The following UMAD1 variants were observed in gnomAD, a reference collection of about 807,000 sequenced individuals.
UMAD1 encodes the protein UBAP1-MVB12-associated (UMA) domain containing 1.
In UMAD1, 8 loss-of-function variants were observed where a neutral mutation model predicts 6.1. The observed-to-expected ratio is 1.30, with a 90% CI of 0.76 to 2.35. UMAD1 has a LOEUF of 2.35. Ranked by LOEUF, UMAD1 falls within the 30% of genes most tolerant of loss-of-function variation. The pLI, the probability that UMAD1 is intolerant of heterozygous loss-of-function variation, is 0.00. For missense variants in UMAD1, 130 were observed against 78.4 expected (o/e 1.66, Z -2.49); for synonymous variants, 56 against 31.4 (o/e 1.78, Z -2.61).
chr7:7,775,878 T>C (rs1403830446), intron 2 of UMAD1, among the ~76,000 whole-genome samples: 2 of 152,166 alleles, frequency 1.3e-5, no homozygotes, highest in African/African-American at 4.8e-5. Context: ...CCTATAGTAA[T>C]GGATAGCAAA....
intron 2 of UMAD1, among the ~76,000 whole-genome samples, chr7:7,748,660 C>A (rs553469132): frequency 6.6e-6 from 1 of 151,990 alleles, no homozygotes; most frequent in Admixed American, 6.6e-5. Context: ...ACCAAATTCC[C>A]ATCTATTACC....
rs71014711 is a variant in UMAD1, at chr7:7,767,128, C to CTTTTTTTTTT, written c.83-34537_83-34528dup. ...AGTGAGCATTTCAAGAAATTAAGCT[C>CTTTTTTTTTT]TTTTTTTTTTTTTTGAGACGGACTC... is the stretch of plus-strand genomic sequence containing the variant. On this transcript the variant is annotated intron_variant, in intron 2 of 3. Transcript: ENST00000682710. 2.9e-4 allele frequency among the ~76,000 whole-genome samples: 37 copies of CTTTTTTTTTT among 129,792 alleles called. 1 individual carries two copies. The highest frequency in any genetic ancestry group is 5.5e-4 in the African/African-American group (20 of 36,532). 85.1% of individuals were successfully genotyped at this position (129,792 alleles called of 152,430 possible).
chr7:7,712,223 A>G (rs922853987), intron 2 of UMAD1, among the ~76,000 whole-genome samples: 6 of 152,174 alleles, frequency 3.9e-5, no homozygotes, highest in African/African-American at 1.4e-4. Flanking sequence ...AAAATGAATA[A>G]CAGATGGATA....
At chr7:7,727,034 A>C (rs917066357) in intron 2 of UMAD1, among the ~76,000 whole-genome samples, 6 of 152,208 alleles carry the variant, frequency 3.9e-5, no homozygotes, top group Non-Finnish European at 8.8e-5. Context: ...AGACCCTTCA[A>C]TAATGAAAGT....
intron 2 of UMAD1, among the ~76,000 whole-genome samples, chr7:7,782,317 T>C (rs999265983): frequency 1.3e-5 from 2 of 152,160 alleles, no homozygotes. Flanking sequence ...TTTTCTGTTC[T>C]TTTGGATCAC....
chr7:7,695,518 A>G (rs967563418), intron 2 of UMAD1, among the ~76,000 whole-genome samples: 1 of 152,112 alleles, frequency 6.6e-6, no homozygotes, highest in Non-Finnish European at 1.5e-5. Flanking sequence ...ACTTTCAGGC[A>G]TAGAACTTCC....
intron 1 of UMAD1, among the ~76,000 whole-genome samples, chr7:7,668,379 T>G (rs1779523195): frequency 6.6e-6 from 1 of 152,152 alleles, no homozygotes; most frequent in South Asian, 2.1e-4. Flanking sequence ...AATTTATGAG[T>G]ACAGTACTAT....
At chr7:7,822,677 C>T (rs1783262950) in intron 3 of UMAD1, among the ~76,000 whole-genome samples, 1 of 152,066 alleles carries the variant, frequency 6.6e-6, no homozygotes, top group Admixed American at 6.6e-5. Context: ...TCAGAAATAG[C>T]CATAACGCTT....
intron 2 of UMAD1, among the ~76,000 whole-genome samples, chr7:7,699,872 C>T (rs775332975): frequency 2.8e-4 from 43 of 152,114 alleles, no homozygotes; most frequent in Non-Finnish European, 5.6e-4. Flanking sequence ...ATAAGTAATA[C>T]TGTTTATATA....
intron 3 of UMAD1, among the ~76,000 whole-genome samples, chr7:7,823,890 A>G (rs1300412308): frequency 6.6e-6 from 1 of 152,108 alleles, no homozygotes; most frequent in Non-Finnish European, 1.5e-5. Flanking sequence ...TCCTTCTCAC[A>G]TCTCTTTATT....
At chr7:7,873,276 C>T (rs1043883306) in intron 3 of UMAD1, among the ~76,000 whole-genome samples, 2 of 152,166 alleles carry the variant, frequency 1.3e-5, no homozygotes, top group Non-Finnish European at 2.9e-5. Flanking sequence ...ACTTTGTTCT[C>T]CTGCTCACAG....
intron 2 of UMAD1, among the ~76,000 whole-genome samples, chr7:7,792,945 TCCTCATGA>T (rs1782598135): frequency 6.6e-6 from 1 of 152,142 alleles, no homozygotes; most frequent in Admixed American, 6.5e-5. Context: ...GAGGGCTCCA[TCCTCATGA>T]CCTCATGACC....
chr7:7,816,548 G>A (rs928527941), intron 3 of UMAD1, among the ~76,000 whole-genome samples: 7 of 152,156 alleles, frequency 4.6e-5, no homozygotes, highest in Non-Finnish European at 8.8e-5. Context: ...CACCAGTGTC[G>A]GTAGCATTCA....
At chr7:7,842,058 G>A (rs188976369) in intron 3 of UMAD1, among the ~76,000 whole-genome samples, 1 of 152,272 alleles carries the variant, frequency 6.6e-6, no homozygotes, top group African/African-American at 2.4e-5. Flanking sequence ...TCTCTGTCGG[G>A]TATGTTAGGT....
rs78015897 is a variant in UMAD1, at chr7:7,804,516, A to G, written c.156+2773A>G. Among the ~76,000 whole-genome samples the G allele has an allele frequency of 1.2e-3, 181 of 152,272 alleles. 4 individuals are homozygous for G. In the East Asian group the frequency reaches 0.034, roughly 29 times the overall value. ...GATGAAACCCCATCTCTACTAAAAT[A>G]CAAAAAATTAGCCGGGCTTGGCGCC... On this transcript the variant is annotated intron_variant, in intron 3 of 3. Coordinates refer to ENST00000682710, the MANE Select transcript of UMAD1 (RefSeq NM_001302348.2).
At chr7:7,711,974 A>G (rs1780776609) in intron 2 of UMAD1, among the ~76,000 whole-genome samples, 1 of 152,082 alleles carries the variant, frequency 6.6e-6, no homozygotes, top group Non-Finnish European at 1.5e-5. Flanking sequence ...TTGTAGGGAT[A>G]ACCTATTTTC....
chr7:7,832,328 AT>A (rs558115964), intron 3 of UMAD1, among the ~76,000 whole-genome samples: 41 of 151,456 alleles, frequency 2.7e-4, no homozygotes, highest in East Asian at 1.9e-3. Context: ...TTCTTTTGGA[AT>A]TTTTTTTTCC....
intron 2 of UMAD1, among the ~76,000 whole-genome samples, chr7:7,679,624 T>C (rs1779851135): frequency 1.8e-5 from 1 of 55,632 alleles, no homozygotes; most frequent in Non-Finnish European, 3.0e-5. Context: ...GATAAATATA[T>C]ATTTATATAT....
At chr7:7,849,484 A>G (rs1456034536) in intron 3 of UMAD1, among the ~76,000 whole-genome samples, 1 of 152,114 alleles carries the variant, frequency 6.6e-6, no homozygotes, top group African/African-American at 2.4e-5. Context: ...GCCAAGAGCA[A>G]GACAGGTACT....
Sources: allele counts gnomAD v4.1 joint callset (sites outside exome capture counted in the v4.1 genomes callset), GRCh38; gene constraint gnomAD v4.1.1; transcripts MANE v1.5; gene names NCBI Gene and HGNC (gene_info 2026-07-23, HGNC 2026-07-21).